The following ERI3 variants were observed in gnomAD, a reference collection of about 807,000 sequenced individuals.
ERI3 encodes the protein ERI1 exoribonuclease 3.
ERI3 carries 18 observed loss-of-function variants against 44.4 expected under a neutral mutation model. That is an observed-to-expected ratio of 0.41 (90% CI 0.28 to 0.60). The LOEUF (loss-of-function observed/expected upper bound fraction) is 0.60. Ranked by LOEUF, ERI3 falls within the 20% of genes least tolerant of loss-of-function variation. The pLI is 0.36. For missense variants in ERI3, 294 were observed against 435.5 expected (o/e 0.68, Z 2.89); for synonymous variants, 183 against 164.8 (o/e 1.11, Z -0.84).
At chr1:44,323,245 G>A (rs183121113) in intron 3 of ERI3, among the ~76,000 whole-genome samples, 2 of 152,216 alleles carry the variant, frequency 1.3e-5, no homozygotes, top group Non-Finnish European at 2.9e-5. Flanking sequence ...ACAGGGGCTG[G>A]AGCAGGACTA....
At chr1:44,266,412 T>C (rs914676381) in intron 7 of ERI3, among the ~76,000 whole-genome samples, 1 of 152,242 alleles carries the variant, frequency 6.6e-6, no homozygotes. Context: ...AGAGAGCTTA[T>C]ACTTTGTTCA....
chr1:44,279,103 T>C (rs923981879), intron 7 of ERI3, among the ~76,000 whole-genome samples: 1 of 152,234 alleles, frequency 6.6e-6, no homozygotes, highest in Non-Finnish European at 1.5e-5. Context: ...ATTCCTTCTG[T>C]ATCTCGCAAA....
At chr1:44,318,797 A>G (rs1474323785) in intron 4 of ERI3, among the ~76,000 whole-genome samples, 1 of 152,260 alleles carries the variant, frequency 6.6e-6, no homozygotes. Context: ...AATGTACCTC[A>G]GCCCCAGACT....
intron 7 of ERI3, among the ~76,000 whole-genome samples, chr1:44,257,078 C>T (rs1165996942): frequency 6.6e-6 from 1 of 152,118 alleles, no homozygotes; most frequent in African/African-American, 2.4e-5. Context: ...TTTAGCCAGC[C>T]CTTTCCTCCC....
At chr1:44,345,010 C>T (rs1273048894) in intron 2 of ERI3, among the ~76,000 whole-genome samples, 3 of 152,204 alleles carry the variant, frequency 2.0e-5, no homozygotes, top group African/African-American at 7.2e-5. Context: ...AATGGCTCCT[C>T]TGCAGCCATT....
chr1:44,338,112 G>A (rs1646572311), intron 3 of ERI3, among the ~76,000 whole-genome samples: 1 of 152,170 alleles, frequency 6.6e-6, no homozygotes, highest in Admixed American at 6.5e-5. Context: ...TTTGAACACA[G>A]CTGGTGACTA....
chr1:44,335,353 T>C (rs1646511839), intron 3 of ERI3, among the ~76,000 whole-genome samples: 1 of 131,720 alleles, frequency 7.6e-6, no homozygotes, highest in Non-Finnish European at 1.6e-5. Context: ...AGACTCTGTC[T>C]CAAAAAAAAA....
chr1:44,297,770 G>A (rs550174094), intron 6 of ERI3, among the ~76,000 whole-genome samples: 123 of 152,314 alleles, frequency 8.1e-4, no homozygotes, highest in African/African-American at 2.9e-3. Context: ...ATTGGCAAGC[G>A]CTGACAAAAC....
At chr1:44,297,930 G>A (rs993491874) in intron 6 of ERI3, among the ~76,000 whole-genome samples, 9 of 152,190 alleles carry the variant, frequency 5.9e-5, no homozygotes, top group East Asian at 1.9e-4. Context: ...AATGTCACCC[G>A]TACCAATATC....
intron 7 of ERI3, among the ~76,000 whole-genome samples, chr1:44,270,945 A>G (rs538388913): frequency 9.8e-5 from 15 of 152,336 alleles, no homozygotes; most frequent in African/African-American, 3.4e-4. Flanking sequence ...GAGCTTTACA[A>G]GCATGATCTA....
At chr1:44,354,491 A>C in intron 1 of ERI3, 3 of 985,414 alleles carry the variant, frequency 3.0e-6, no homozygotes, top group Non-Finnish European at 3.6e-6. Context: ...AAAGCTAGCC[A>C]GGTTAGGCCC....
chr1:44,304,989 A>G (rs1645803537), intron 6 of ERI3, among the ~76,000 whole-genome samples: 1 of 152,182 alleles, frequency 6.6e-6, no homozygotes, highest in African/African-American at 2.4e-5. Context: ...TCCTCTCACC[A>G]GACTCTGAGC....
At chr1:44,298,385 G>T (rs1028338903) in intron 6 of ERI3, among the ~76,000 whole-genome samples, 2 of 152,126 alleles carry the variant, frequency 1.3e-5, no homozygotes, top group African/African-American at 4.8e-5. Flanking sequence ...GGGTGAGGGG[G>T]ATTGGGACAA....
chr1:44,324,325 T>C (rs540833824), intron 3 of ERI3, among the ~76,000 whole-genome samples: 27 of 152,210 alleles, frequency 1.8e-4, no homozygotes, highest in South Asian at 6.2e-4. Context: ...CAAACTCAGA[T>C]ATTTCACAGT....
chr1:44,351,382 C>T (rs1262529657), intron 2 of ERI3, among the ~76,000 whole-genome samples: 1 of 152,162 alleles, frequency 6.6e-6, no homozygotes, highest in Non-Finnish European at 1.5e-5. Context: ...GCTTAAAACC[C>T]TTTAATGGCT....
intron 8 of ERI3, among the ~76,000 whole-genome samples, chr1:44,246,813 AGTGAAT>A: frequency 6.6e-6 from 1 of 152,340 alleles, no homozygotes; most frequent in East Asian, 1.9e-4. Context: ...ACAAGGTACC[AGTGAAT>A]GTCTGGAATG....
At chr1:44,322,705 C>A in intron 3 of ERI3, 1 of 1,538,526 alleles carries the variant, frequency 6.5e-7, no homozygotes. Flanking sequence ...CAGCAAGGAC[C>A]TCACTGAGGT....
intron 8 of ERI3, chr1:44,242,013 G>A (rs1056627327): frequency 1.0e-6 from 1 of 985,490 alleles, no homozygotes; most frequent in African/African-American, 1.7e-5. Flanking sequence ...GCTCCAAGGG[G>A]GTCAGCTCAG....
Position 44,258,416 on chromosome 1 carries a change from C to A in ERI3, c.832-10378G>T, listed in dbSNP as rs370500929. ...CTTGCACACAGCATACACGCCTTCA[C>A]TTTCTTTCCCCCTGGGAAAAAGAAG... On this transcript the variant is annotated intron_variant, in intron 7 of 8. Coordinates refer to ENST00000372257, the MANE Select transcript of ERI3 (RefSeq NM_024066.3). Among the ~76,000 whole-genome samples, 4 of 152,228 alleles carry A rather than the reference C, an allele frequency of 2.6e-5. No individual in the cohort carries two copies. The South Asian group carries it at 6.2e-4, about 24-fold the overall frequency.
Sources: gnomAD v4.1 joint callset for allele counts (sites outside exome capture counted in the v4.1 genomes callset) on GRCh38, gnomAD v4.1.1 for gene constraint, MANE v1.5 for transcripts, NCBI Gene and HGNC (gene_info 2026-07-23, HGNC 2026-07-21) for gene names.